The following ADCY10 variants were observed in gnomAD, a reference collection of about 807,000 sequenced individuals.
ADCY10 encodes adenylate cyclase type 10.
In ADCY10, 156 loss-of-function variants were observed where a neutral mutation model predicts 183.3. The ratio of observed to expected loss-of-function variants is 0.85; its 90% CI spans 0.75 to 0.97. The LOEUF is 0.97. Ranked by LOEUF, ADCY10 falls within the 50% of genes least tolerant of loss-of-function variation. ADCY10 has a pLI of 0.00. For synonymous variants in ADCY10, 645 were observed against 670.0 expected (o/e 0.96, Z 0.58); for missense variants, 1,745 against 1,934.3 (o/e 0.90, Z 1.84).
chr1:167,885,649 C>A (rs972819163), intron 8 of ADCY10, among the ~76,000 whole-genome samples: 14 of 152,006 alleles, frequency 9.2e-5, no homozygotes, highest in Admixed American at 5.9e-4. Context: ...CGGAGTCTCA[C>A]TCTGTCACCT....
At chr1:167,833,194 G>T (rs769131777) in intron 24 of ADCY10, 32 bp from the exon 25 acceptor site, 3 of 1,599,536 alleles carry the variant, frequency 1.9e-6, no homozygotes, top group East Asian at 4.5e-5. Flanking sequence ...GAGAGGAAAA[G>T]AGGAAAACGA....
chr1:167,851,475 C>T (rs947514687), intron 18 of ADCY10, among the ~76,000 whole-genome samples: 1 of 152,158 alleles, frequency 6.6e-6, no homozygotes, highest in African/African-American at 2.4e-5. Context: ...GTGTGGGCCA[C>T]TGCACCTGGC....
chr1:167,870,231 C>T, intron 14 of ADCY10, 26 bp downstream of exon 14: 8 of 1,613,366 alleles, frequency 5.0e-6, no homozygotes, highest in Non-Finnish European at 6.8e-6. Context: ...TGGGTTCACA[C>T]AGAACAATCA....
intron 31 of ADCY10, among the ~76,000 whole-genome samples, chr1:167,813,060 G>GA (rs1662319000): frequency 6.6e-6 from 1 of 152,014 alleles, no homozygotes. Flanking sequence ...TGAAGAAGAA[G>GA]AGAGAGAGAA....
At chr1:167,837,505 A>G (rs1324409145) in intron 21 of ADCY10, among the ~76,000 whole-genome samples, 187 bp from the exon 22 acceptor site, 1 of 152,258 alleles carries the variant, frequency 6.6e-6, no homozygotes, top group Non-Finnish European at 1.5e-5. Context: ...GAATTAGATC[A>G]GAAGTAATAT....
intron 9 of ADCY10, among the ~76,000 whole-genome samples, chr1:167,881,851 C>G (rs982252355): frequency 4.6e-5 from 7 of 152,184 alleles, no homozygotes; most frequent in Non-Finnish European, 7.3e-5. Context: ...TCTTATGATA[C>G]CCATGGGTCA....
intron 12 of ADCY10, among the ~76,000 whole-genome samples, chr1:167,875,636 T>C (rs961418198): frequency 3.3e-5 from 5 of 152,160 alleles, no homozygotes; most frequent in African/African-American, 1.2e-4. Flanking sequence ...TTTTCTTTAA[T>C]CCTGACAAAA....
chr1:167,813,064 G>A (rs1007358011), intron 31 of ADCY10, among the ~76,000 whole-genome samples: 2 of 152,038 alleles, frequency 1.3e-5, no homozygotes, highest in African/African-American at 4.8e-5. Flanking sequence ...GAAGAAGAGA[G>A]AGAGAAAGGA....
intron 8 of ADCY10, 87 bp from the exon 9 acceptor site, chr1:167,883,715 C>G: frequency 1.6e-6 from 2 of 1,242,372 alleles, no homozygotes; most frequent in Non-Finnish European, 2.4e-6. Context: ...CCGAAATCAT[C>G]TAGGGAATGT....
At chr1:167,819,812 G>C (rs969775530) in intron 30 of ADCY10, 2 of 585,752 alleles carry the variant, frequency 3.4e-6, no homozygotes, top group Non-Finnish European at 6.1e-6. Context: ...TGATCTGCCG[G>C]CCTCGGCCTC....
rs753461391 is a variant in ADCY10, at chr1:167,846,185, G to T, written c.2516C>A (p.Thr839Asn). 1.9e-5 allele frequency: 30 copies of T among 1,614,088 alleles called. No homozygotes were observed. The highest frequency in any genetic ancestry group is 6.7e-5 in the Admixed American group (4 of 60,006). The change falls in exon 20 of 33, where the codon ACC becomes AAC. Residue 839 changes from threonine to asparagine, a missense_variant. By Grantham distance (65) the Thr-to-Asn change is moderately conservative. Coordinates refer to ENST00000367851, the MANE Select transcript of ADCY10 (RefSeq NM_018417.6). ...LVRCAAIIGL[T>N]FTTELLFEIL... Reference sequence around the variant, plus strand: ...CTCAAACAACAACTCAGTGGTGAAGGTCAGGCCAATGATGGCAGCACATCT... The same window carrying T: ...CTCAAACAACAACTCAGTGGTGAAGTTCAGGCCAATGATGGCAGCACATCT...
chr1:167,847,291 C>T (rs1414749721), intron 19 of ADCY10, among the ~76,000 whole-genome samples: 1 of 152,132 alleles, frequency 6.6e-6, no homozygotes, highest in Admixed American at 6.5e-5. Context: ...CTTGAGATGT[C>T]CCTAGGCCAC....
intron 30 of ADCY10, 80 bp downstream of exon 30, chr1:167,821,944 C>G: frequency 1.0e-6 from 1 of 1,003,840 alleles, no homozygotes; most frequent in Non-Finnish European, 1.6e-6. Flanking sequence ...TGAATACTTT[C>G]TAAAAGATTT....
At chr1:167,884,386 A>G (rs1054943488) in intron 8 of ADCY10, among the ~76,000 whole-genome samples, 11 of 152,140 alleles carry the variant, frequency 7.2e-5, no homozygotes, top group African/African-American at 2.4e-4. Flanking sequence ...CTCATTCACT[A>G]TCACGAGAAC....
At chr1:167,881,163 T>C (rs768794103) in intron 9 of ADCY10, among the ~76,000 whole-genome samples, 13 of 152,250 alleles carry the variant, frequency 8.5e-5, no homozygotes, top group Non-Finnish European at 1.9e-4. Flanking sequence ...TTGCAGATAC[T>C]GTTATTCTTA....
In ADCY10 at chr1:167,895,348, G is replaced by C. The variant is rs115330897; in HGVS notation, c.739+1247C>G. ...CTCCTTCATCTCTGGAGCTTCTGAG[G>C]TTCTTGGCCTTTCCTGATCAATGTT... On this transcript the variant is annotated intron_variant, in intron 7 of 32. Transcript: ENST00000367851. Among the ~76,000 whole-genome samples, 347 of 152,220 alleles carry C rather than the reference G, an allele frequency of 2.3e-3. 1 individual carries two copies. Among genetic ancestry groups the C allele is most frequent in the African/African-American group, 8.0e-3 (334 of 41,514 alleles).
intron 14 of ADCY10, among the ~76,000 whole-genome samples, chr1:167,862,057 C>T (rs1666326241): frequency 6.6e-6 from 1 of 152,148 alleles, no homozygotes; most frequent in African/African-American, 2.4e-5. Flanking sequence ...TATAAATTAC[C>T]CAGTCTCAGG....
intron 25 of ADCY10, among the ~76,000 whole-genome samples, chr1:167,831,451 C>T (rs780668367): frequency 2.6e-5 from 4 of 152,236 alleles, no homozygotes; most frequent in Admixed American, 6.5e-5. Flanking sequence ...CCCTCAGCCT[C>T]CCTAAGCGTT....
chr1:167,831,736 G>C lies in ADCY10; in HGVS notation c.3593+1251C>G, dbSNP rs574592600. On this transcript the variant is annotated intron_variant, in intron 25 of 32. Coordinates refer to ENST00000367851, the MANE Select transcript of ADCY10 (RefSeq NM_018417.6). ...CCTGTTTTAGCAGATGAAAATACAG[G>C]ATGCCCAATTAAGTTTGAATTTTAA... Among the ~76,000 whole-genome samples, 9 of 152,252 alleles carry C rather than the reference G, an allele frequency of 5.9e-5. No homozygotes were observed. In the South Asian group the frequency reaches 1.9e-3, roughly 32 times the overall value.
Sources: gnomAD v4.1 joint callset for allele counts (sites outside exome capture counted in the v4.1 genomes callset) on GRCh38, gnomAD v4.1.1 for gene constraint, MANE v1.5 for transcripts, NCBI Gene and HGNC (gene_info 2026-07-23, HGNC 2026-07-21) for gene names.